NR3C1: variants seen among roughly 807,000 people sequenced by gnomAD.
NR3C1 encodes the protein glucocorticoid receptor.
A neutral mutation model predicts 74.0 loss-of-function variants in NR3C1; 14 were observed. That is an observed-to-expected ratio of 0.19 (90% CI 0.12 to 0.30). The LOEUF (loss-of-function observed/expected upper bound fraction) is 0.30. Among genes scored for constraint, NR3C1 ranks in the 10% least tolerant of loss-of-function variants. The pLI is 1.00. For synonymous variants in NR3C1, 308 were observed against 332.5 expected, an observed-to-expected ratio of 0.93 and a Z score of 0.80; for missense variants, 695 against 909.8, an observed-to-expected ratio of 0.76 and a Z score of 3.04.
At chr5:143,379,619 A>G (rs1835827906) in intron 2 of NR3C1, among the ~76,000 whole-genome samples, 1 of 152,206 alleles carries the variant, frequency 6.6e-6, no homozygotes, top group Admixed American at 6.5e-5. Flanking sequence ...ACTTGAATCT[A>G]GACTAGCCCC....
At chr5:143,311,910 T>TGTGAGCCACA (rs962828684) in intron 3 of NR3C1, among the ~76,000 whole-genome samples, 6 of 150,546 alleles carry the variant, frequency 4.0e-5, no homozygotes, top group African/African-American at 1.5e-4. Flanking sequence ...GGATAATAGG[T>TGTGAGCCACA]GTGAGCCACA....
At chr5:143,310,023 G>A in intron 4 of NR3C1, 74 bp downstream of exon 4, 1 of 1,091,476 alleles carries the variant, frequency 9.2e-7, no homozygotes, top group Non-Finnish European at 1.4e-6. Flanking sequence ...CTGCTTACGT[G>A]TATCTTCAAA....
chr5:143,279,339 A>G lies in NR3C1; in HGVS notation c.*2550T>C. 2 of 1,545,354 alleles carry G rather than the reference A, an allele frequency of 1.3e-6. No homozygotes were observed. The highest frequency in any genetic ancestry group is 8.7e-7 in the Non-Finnish European group (1 of 1,145,930). On this transcript the variant is annotated 3_prime_UTR_variant, in exon 9 of 9. Coordinates refer to ENST00000394464, the MANE Select transcript of NR3C1 (RefSeq NM_000176.3). ...TTTTCTCATTGAGTTCTATTTTTTG[A>G]GCGCCAAGATTGTTGGGATGAAAAT...
chr5:143,358,473 G>A (rs114006470), intron 2 of NR3C1, among the ~76,000 whole-genome samples: 7 of 152,186 alleles, frequency 4.6e-5, no homozygotes, highest in Non-Finnish European at 8.8e-5. Context: ...TTTGTGGAGA[G>A]AATTATATTG....
At chr5:143,363,439 C>A (rs1378399133) in intron 2 of NR3C1, among the ~76,000 whole-genome samples, 2 of 152,054 alleles carry the variant, frequency 1.3e-5, no homozygotes, top group African/African-American at 2.4e-5. Flanking sequence ...GAAACTATGC[C>A]TGAGGAAGCC....
chr5:143,385,722 G>A (rs1837082440), intron 2 of NR3C1, among the ~76,000 whole-genome samples: 1 of 152,144 alleles, frequency 6.6e-6, no homozygotes, highest in South Asian at 2.1e-4. Context: ...ACCTCAGCCT[G>A]GACTTTATTG....
intron 1 of NR3C1, chr5:143,402,537 G>T: frequency 1.1e-6 from 1 of 947,284 alleles, no homozygotes; most frequent in Non-Finnish European, 1.3e-6. Context: ...TAAAGAGCAA[G>T]CCCTTGCGGG....
At chr5:143,405,109 C>T (rs1841021838), upstream of NR3C1, 3 of 985,366 alleles carry the variant, frequency 3.0e-6, no homozygotes, top group African/African-American at 5.2e-5. Context: ...CAGCTCGCCG[C>T]GTCGGGAAGG....
At chr5:143,404,277 C>T (rs1287457709), upstream of NR3C1, 4 of 985,526 alleles carry the variant, frequency 4.1e-6, no homozygotes, top group East Asian at 3.4e-4. Flanking sequence ...GGAAACGGTG[C>T]CGCAGCGTCT....
chr5:143,429,337 A>T (rs1468712055), intron 1 of NR3C1, among the ~76,000 whole-genome samples: 3 of 152,200 alleles, frequency 2.0e-5, no homozygotes, highest in Admixed American at 2.0e-4. Flanking sequence ...TTTAACTACA[A>T]AATCTCACCA....
intron 2 of NR3C1, among the ~76,000 whole-genome samples, chr5:143,385,979 T>C (rs1837137985): frequency 1.3e-5 from 2 of 152,300 alleles, no homozygotes; most frequent in Non-Finnish European, 1.5e-5. Context: ...ACTGGGTAAC[T>C]TACAAAGAAA....
chr5:143,405,634 G>A (rs895964750), upstream of NR3C1, among the ~76,000 whole-genome samples: 1 of 152,202 alleles, frequency 6.6e-6, no homozygotes, highest in Non-Finnish European at 1.5e-5. Flanking sequence ...GGATTCTGGA[G>A]CCGCCATCTT....
At chr5:143,296,032 TCA>T (rs995385259) in intron 6 of NR3C1, among the ~76,000 whole-genome samples, 1 of 152,214 alleles carries the variant, frequency 6.6e-6, no homozygotes, top group African/African-American at 2.4e-5. Context: ...GTGACACTGT[TCA>T]CAGTTATGCA....
rs79481189 is a variant in NR3C1, at chr5:143,434,073, C to T, written c.-14+459G>A. 8.1e-3 allele frequency among the ~76,000 whole-genome samples: 1,240 copies of T among 152,342 alleles called. 12 individuals are homozygous for T. The highest frequency in any genetic ancestry group is 0.045 in the East Asian group (231 of 5,190). The stretch of plus-strand genomic sequence containing the variant: ...TTCCAGATATTCACATAACTGGCCT[C>T]TTTACTTTATTCAGACCCCTGATCA... On this transcript the variant is annotated intron_variant, in intron 1 of 8. Coordinates refer to the NR3C1 transcript ENST00000343796.
rs375983671 is a variant in NR3C1, at chr5:143,297,274, C to CT, written c.1892+1393dup. Among the ~76,000 whole-genome samples, 356 of 152,152 alleles carry CT rather than the reference C, an allele frequency of 2.3e-3. 2 individuals are homozygous for CT. The highest frequency in any genetic ancestry group is 8.2e-3 in the African/African-American group (339 of 41,524). On this transcript the variant is annotated intron_variant, in intron 6 of 8. Coordinates refer to ENST00000394464, the MANE Select transcript of NR3C1 (RefSeq NM_000176.3). ...GCATGATTAGATTTTGCTGTGACTG[C>CT]TTAAAGCTAAATCTGAATGCCCTAA...
At chr5:143,314,687 T>A (rs773679399) in intron 2 of NR3C1, among the ~76,000 whole-genome samples, 14 of 152,180 alleles carry the variant, frequency 9.2e-5, no homozygotes, top group African/African-American at 1.4e-4. Context: ...CAATCAAGTG[T>A]CATTACAATT....
chr5:143,379,785 C>T (rs555293541), intron 2 of NR3C1, among the ~76,000 whole-genome samples: 48 of 152,296 alleles, frequency 3.2e-4, no homozygotes, highest in Admixed American at 1.6e-3. Context: ...ATTGCTACAG[C>T]CAACCAGCCA....
At chr5:143,288,749 A>ACATGTGG (rs1378856327) in intron 7 of NR3C1, among the ~76,000 whole-genome samples, 2 of 152,148 alleles carry the variant, frequency 1.3e-5, no homozygotes, top group Non-Finnish European at 2.9e-5. Flanking sequence ...GTGGAATTAC[A>ACATGTGG]GGCATGAACT....
chr5:143,329,952 T>C (rs1330427817), intron 2 of NR3C1, among the ~76,000 whole-genome samples: 1 of 152,226 alleles, frequency 6.6e-6, no homozygotes, highest in African/African-American at 2.4e-5. Flanking sequence ...ATAATGTATA[T>C]GTACTCTGAT....
Sources: gnomAD v4.1 joint callset for allele counts (sites outside exome capture counted in the v4.1 genomes callset) on GRCh38, gnomAD v4.1.1 for gene constraint, MANE v1.5 for transcripts, NCBI Gene and HGNC (gene_info 2026-07-23, HGNC 2026-07-21) for gene names.